Variants in CYP4V2 observed in about 807,000 individuals in gnomAD.
The protein encoded by CYP4V2 is cytochrome P450 family 4 subfamily V member 2, also known as cytochrome P450 4V2.
In CYP4V2, 55 loss-of-function variants were observed where a neutral mutation model predicts 60.8. That is an observed-to-expected ratio of 0.90 (90% CI 0.73 to 1.13). The LOEUF is 1.13. Ranked by LOEUF, CYP4V2 falls within the 50% of genes most tolerant of loss-of-function variation. CYP4V2 has a pLI of 0.00. For synonymous variants in CYP4V2, 239 were observed against 236.8 expected (o/e 1.01, Z -0.08); for missense variants, 675 against 662.9 (o/e 1.02, Z -0.20).
chr4:186,199,154 C>G, intron 6 of CYP4V2, 71 bp downstream of exon 6: 1 of 1,504,572 alleles, frequency 6.6e-7, no homozygotes, highest in Non-Finnish European at 9.2e-7. Flanking sequence ...ACCATTTTAA[C>G]TGTACAGTTT....
chr4:186,204,223 GTTA>G, intron 7 of CYP4V2: 1 of 177,812 alleles, frequency 5.6e-6, no homozygotes, highest in Non-Finnish European at 1.3e-5. Flanking sequence ...AGGTGGAGAC[GTTA>G]CGCTGGCGTA....
rs199476204 is a variant in CYP4V2 at position 186,209,215 on chromosome 4, C to T, written c.1348C>T (p.Gln450Ter). 7.4e-6 allele frequency: 12 copies of T among 1,613,956 alleles called. No individual in the cohort carries two copies. The highest frequency in any genetic ancestry group is 1.0e-5 in the Non-Finnish European group (12 of 1,180,036). Residue 450 changes from glutamine to a stop codon, truncating the protein, a stop_gained, in exon 10 of 11, where the codon CAA becomes TAA. Coordinates refer to ENST00000378802, the MANE Select transcript of CYP4V2 (RefSeq NM_207352.4). LOFTEE classifies it high-confidence loss of function. ...QPERFFPENA[Q>*]GRHPYAYVPF... ...TGAGCGGTTCTTCCCCGAGAATGCA[C>T]AAGGGCGCCATCCATATGCCTACGT...
In CYP4V2 at chr4:186,213,457, G is replaced by T. The variant is rs1000125209; in HGVS notation, c.*2816G>T. The T allele has an allele frequency of 1.3e-5, 2 of 152,170 alleles. No homozygotes were observed. Among genetic ancestry groups the T allele is most frequent in the African/African-American group, 2.4e-5 (1 of 41,442 alleles). The allele number at this position is 152,170 out of a possible 1,614,324, so 9.4% of individuals were successfully genotyped here. On this transcript the variant is annotated 3_prime_UTR_variant, in exon 11 of 11. Coordinates refer to ENST00000378802, the MANE Select transcript of CYP4V2 (RefSeq NM_207352.4). ...GGGTAATAAAATAAATAGCACTTTC[G>T]AGCTGATGTCGTCAGTGACTCTTGG...
chr4:186,212,290 T>A lies in CYP4V2; in HGVS notation c.*1649T>A, dbSNP rs888691358. Reference sequence around the variant, plus strand: ...CAGGCATACTTTTGGGATTCTTCCATCTTTAAAGGAAAAAGGAAGCCATTC... The same window carrying A: ...CAGGCATACTTTTGGGATTCTTCCAACTTTAAAGGAAAAAGGAAGCCATTC... On this transcript the variant is annotated 3_prime_UTR_variant, in exon 11 of 11. Coordinates refer to ENST00000378802, the MANE Select transcript of CYP4V2 (RefSeq NM_207352.4). The A allele has an allele frequency of 1.3e-5, 2 of 152,190 alleles. No homozygotes were observed. The highest frequency in any genetic ancestry group is 2.4e-5 in the African/African-American group (1 of 41,464). The allele number at this position is 152,190 out of a possible 1,614,324, so 9.4% of individuals were successfully genotyped here.
chr4:186,197,123 C>T lies in CYP4V2; in HGVS notation c.597C>T (p.Ile199=), dbSNP rs2126585104. 1.9e-6 allele frequency: 3 copies of T among 1,613,746 alleles called. No homozygotes were observed. Among genetic ancestry groups the T allele is most frequent in the Non-Finnish European group, 2.5e-6 (3 of 1,179,980 alleles). Residue 199 remains isoleucine, a synonymous_variant, in exon 4 of 11, where the codon ATC becomes ATT. Transcript: ENST00000378802. ...FFYITLCALD[I]ICETAMGKNI... is the part of the protein sequence containing the mutation. ...ACATCACTCTTTGTGCCTTAGATATCATCTGTGGTGAGTCTCATCGATCTG... is the reference window on the plus strand; with the variant it reads ...ACATCACTCTTTGTGCCTTAGATATTATCTGTGGTGAGTCTCATCGATCTG...
chr4:186,206,734 A>T (rs959948878), intron 8 of CYP4V2, among the ~76,000 whole-genome samples: 5 of 152,190 alleles, frequency 3.3e-5, no homozygotes, highest in Admixed American at 2.6e-4. Context: ...GAGGATGGAA[A>T]AGCAGTTTTG....
intron 7 of CYP4V2, chr4:186,202,497 C>CATA (rs1736333940): frequency 6.6e-6 from 1 of 152,052 alleles, no homozygotes; most frequent in African/African-American, 2.4e-5. Flanking sequence ...GTGATTGGCC[C>CATA]ATAAGTATGC....
chr4:186,192,172 C>T (rs1736009749), intron 1 of CYP4V2, 135 bp downstream of exon 1: 2 of 1,187,136 alleles, frequency 1.7e-6, no homozygotes, highest in South Asian at 1.3e-5. Flanking sequence ...GAATGCACTC[C>T]CAGTTCTAGT....
At chr4:186,207,786 T>A (rs960675127) in intron 8 of CYP4V2, among the ~76,000 whole-genome samples, 2 of 152,114 alleles carry the variant, frequency 1.3e-5, no homozygotes, top group Non-Finnish European at 2.9e-5. Flanking sequence ...GATTAAGCAG[T>A]CCCTCTTGAT....
chr4:186,209,324 T>C, intron 10 of CYP4V2, 52 bp downstream of exon 10: 1 of 1,605,494 alleles, frequency 6.2e-7, no homozygotes, highest in Non-Finnish European at 8.5e-7. Flanking sequence ...TGATGGTGGG[T>C]TTCTCACAGT....
chr4:186,199,094 G>T lies in CYP4V2; in HGVS notation c.801+11G>T. On this transcript the variant is annotated intron_variant, in intron 6 of 10. Transcript: ENST00000378802. ...ACTTTTACCAACAGTGTAAGTCCCT[G>T]ACTTTTACAATTGTGGTAAAATAGA... 6.2e-7 allele frequency: 1 copy of T among 1,612,162 alleles called. No homozygotes were observed. The highest frequency in any genetic ancestry group is 1.1e-5 in the South Asian group (1 of 91,010).
intron 8 of CYP4V2, among the ~76,000 whole-genome samples, chr4:186,205,550 A>G (rs1736472162): frequency 1.3e-5 from 2 of 152,216 alleles, no homozygotes; most frequent in South Asian, 4.1e-4. Flanking sequence ...ACTGCTACCC[A>G]GGCGAAACAG....
intron 5 of CYP4V2, 120 bp from the exon 6 acceptor site, chr4:186,198,837 G>A: frequency 6.8e-7 from 1 of 1,475,970 alleles, no homozygotes; most frequent in Non-Finnish European, 9.4e-7. Context: ...GCTCTTAGTA[G>A]CCTCTAAGAC....
In CYP4V2 at chr4:186,210,918, C is replaced by G; in HGVS notation, c.*277C>G. ...GTGGTGTGATCTCAGCTCACTGCAA[C>G]CTCCACCTCCCAGGTTCAAGCAATT... On this transcript the variant is annotated 3_prime_UTR_variant, in exon 11 of 11. Transcript: ENST00000378802. 1 of 317,064 alleles carries G rather than the reference C, an allele frequency of 3.2e-6. No individual in the cohort carries two copies. The highest frequency in any genetic ancestry group is 5.9e-6 in the Non-Finnish European group (1 of 169,422). The allele number at this position is 317,064 out of a possible 1,614,324, so 19.6% of individuals were successfully genotyped here. A position where few individuals can be genotyped will look rare whatever the true frequency, so the allele number is the denominator to read the frequency against.
At position 186,201,298 on chromosome 4, in the gene CYP4V2, A is replaced by C; in HGVS notation, c.943A>C (p.Ser315Arg). The change falls in exon 7 of 11, where the codon AGT (serine) becomes CGT (arginine). Residue 315 changes from serine (S) to arginine (R), a missense_variant. By Grantham distance (110) the Ser-to-Arg change is moderately radical. Coordinates refer to ENST00000378802, the MANE Select transcript of CYP4V2 (RefSeq NM_207352.4). ...SVTDDEGNRLSHEDIREEVDT... is the reference protein window; with the variant it reads ...SVTDDEGNRLRHEDIREEVDT... ...GACTGATGACGAAGGGAACAGGCTA[A>C]GTCATGAAGATATTCGAGAAGAAGT... The C allele has an allele frequency of 6.2e-7, 1 of 1,614,202 alleles. No homozygotes were observed. Among genetic ancestry groups the C allele is most frequent in the Non-Finnish European group, 8.5e-7 (1 of 1,180,036 alleles).
In CYP4V2 at chr4:186,198,554, G is replaced by A. The variant is rs72646266; in HGVS notation, c.675-403G>A. Among the ~76,000 whole-genome samples, 3 of 152,304 alleles carry A rather than the reference G, an allele frequency of 2.0e-5. No individual in the cohort carries two copies. In the East Asian group the frequency reaches 5.8e-4, roughly 29 times the overall value. Reference sequence around the variant, plus strand: ...GGTACTTAGAGAGCCCTCGCTTGTAGAAGAGGGCAGCCAGTTGTCTTCTGT... The same window carrying A: ...GGTACTTAGAGAGCCCTCGCTTGTAAAAGAGGGCAGCCAGTTGTCTTCTGT... On this transcript the variant is annotated intron_variant, in intron 5 of 10. Coordinates refer to ENST00000378802, the MANE Select transcript of CYP4V2 (RefSeq NM_207352.4).
rs760891257 is a variant in CYP4V2 at position 186,192,076 on chromosome 4, G to A, written c.214+39G>A. On this transcript the variant is annotated intron_variant, in intron 1 of 10. Coordinates refer to ENST00000378802, the MANE Select transcript of CYP4V2 (RefSeq NM_207352.4). ...CTCCTCCTGGAGCGCAACGGGGTCC[G>A]CAGCCCCGTTCCCACCCTCCGATCA... is the stretch of plus-strand genomic sequence containing the variant. 31 of 1,537,012 alleles carry A rather than the reference G, an allele frequency of 2.0e-5. No individual in the cohort carries two copies. In the South Asian group the frequency reaches 3.4e-4, roughly 17 times the overall value.
intron 1 of CYP4V2, among the ~76,000 whole-genome samples, chr4:186,194,243 A>G (rs1273438848): frequency 1.3e-5 from 2 of 152,102 alleles, no homozygotes; most frequent in African/African-American, 4.8e-5. Context: ...AAAACCTAAT[A>G]ATTATTATTC....
At position 186,208,881 on chromosome 4, in the gene CYP4V2, C is replaced by G. The variant is rs532572776; in HGVS notation, c.1107C>G (p.Pro369=). ...LDDVFGKSDR[P]ATVEDLKKLR... is the part of the protein sequence containing the mutation. ...TTTCATCAGGGAAGTCTGACCGTCC[C>G]GCTACAGTAGAAGACCTGAAGAAAC... The change falls in exon 9 of 11, where the codon CCC becomes CCG. Residue 369 remains proline (P), a synonymous_variant. Coordinates refer to ENST00000378802, the MANE Select transcript of CYP4V2 (RefSeq NM_207352.4). 1.2e-6 allele frequency: 2 copies of G among 1,614,078 alleles called. No individual in the cohort carries two copies. Among genetic ancestry groups the G allele is most frequent in the Non-Finnish European group, 1.7e-6 (2 of 1,180,050 alleles).
Sources: gnomAD v4.1 joint callset for allele counts (sites outside exome capture counted in the v4.1 genomes callset) on GRCh38, gnomAD v4.1.1 for gene constraint, MANE v1.5 for transcripts, NCBI Gene and HGNC (gene_info 2026-07-23, HGNC 2026-07-21) for gene names.